Variants in RBFOX1 observed in about 807,000 individuals in gnomAD.
RBFOX1 encodes RNA binding fox-1 homolog 1, also known as RNA binding protein fox-1 homolog 1.
RBFOX1 carries 8 observed loss-of-function variants against 57.7 expected under a neutral mutation model. The ratio of observed to expected loss-of-function variants is 0.14; its 90% CI spans 0.08 to 0.25. RBFOX1 has a LOEUF of 0.25. RBFOX1 is among the 10% of genes least tolerant of loss of function. RBFOX1 has a pLI of 1.00. For synonymous variants in RBFOX1, 326 were observed against 222.4 expected, an observed-to-expected ratio of 1.47 and a Z score of -4.15; for missense variants, 611 against 548.5, an observed-to-expected ratio of 1.11 and a Z score of -1.14.
At chr16:6,923,524 C>G (rs547318583) in intron 3 of RBFOX1, among the ~76,000 whole-genome samples, 3 of 152,180 alleles carry the variant, frequency 2.0e-5, no homozygotes, top group East Asian at 1.9e-4. Context: ...TGGAGAAAGA[C>G]TCCATCTCAA....
intron 3 of RBFOX1, among the ~76,000 whole-genome samples, chr16:6,746,510 C>G (rs1431412213): frequency 6.6e-6 from 1 of 151,906 alleles, no homozygotes; most frequent in Non-Finnish European, 1.5e-5. Context: ...AGCCTCATCT[C>G]AACAAAAAAT....
chr16:6,534,732 G>C (rs2096712012), intron 2 of RBFOX1, among the ~76,000 whole-genome samples: 1 of 152,120 alleles, frequency 6.6e-6, no homozygotes, highest in South Asian at 2.1e-4. Context: ...ATGCAAAGAG[G>C]GAGAAGGGAA....
intron 4 of RBFOX1, among the ~76,000 whole-genome samples, chr16:5,967,895 A>G (rs958149887): frequency 2.0e-5 from 3 of 152,098 alleles, no homozygotes; most frequent in African/African-American, 4.8e-5. Context: ...TTTGCTTTGC[A>G]TGTGGTATCC....
chr16:6,856,589 A>G (rs186477341), intron 3 of RBFOX1, among the ~76,000 whole-genome samples: 2 of 152,320 alleles, frequency 1.3e-5, no homozygotes, highest in African/African-American at 2.4e-5. Context: ...CTGTCCCTTC[A>G]GGCCACCGTG....
At chr16:7,356,613 A>T (rs1041308278) in intron 4 of RBFOX1, among the ~76,000 whole-genome samples, 4 of 152,214 alleles carry the variant, frequency 2.6e-5, no homozygotes, top group African/African-American at 9.6e-5. Flanking sequence ...AAGCCACTGG[A>T]AAGTTTTAAG....
intron 4 of RBFOX1, among the ~76,000 whole-genome samples, chr16:5,939,669 C>T (rs749680395): frequency 3.2e-4 from 49 of 152,126 alleles, no homozygotes; most frequent in Non-Finnish European, 4.6e-4. Context: ...AAAGTCCAGC[C>T]TTGACTCAAG....
rs895159359 is a variant in RBFOX1 at position 5,948,238 on chromosome 16, G to A, written c.351+80903G>A. On this transcript the variant is annotated intron_variant, in intron 4 of 19. Transcript: ENST00000641259. Reference sequence around the variant, plus strand: ...TTGCGCTGACCGAGCTGGGCAGGTGGGTGTTAGTTCTATGGAAGGCTTTGC... The same window carrying A: ...TTGCGCTGACCGAGCTGGGCAGGTGAGTGTTAGTTCTATGGAAGGCTTTGC... Among the ~76,000 whole-genome samples, 7 of 152,110 alleles carry A rather than the reference G, an allele frequency of 4.6e-5. No individual in the cohort carries two copies. The East Asian group carries it at 7.7e-4, about 17-fold the overall frequency.
chr16:5,317,242 C>T (rs933844586), intron 1 of RBFOX1, among the ~76,000 whole-genome samples: 1 of 152,064 alleles, frequency 6.6e-6, no homozygotes, highest in Non-Finnish European at 1.5e-5. Flanking sequence ...TGTGTATTTT[C>T]TATTGGTTCT....
chr16:5,371,919 C>G (rs760735939), intron 1 of RBFOX1, among the ~76,000 whole-genome samples: 14 of 152,196 alleles, frequency 9.2e-5, no homozygotes, highest in Non-Finnish European at 1.8e-4. Context: ...AGTAATCTTT[C>G]CTTCCTACCT....
intron 4 of RBFOX1, among the ~76,000 whole-genome samples, chr16:7,500,012 C>T (rs1318841308): frequency 2.0e-5 from 3 of 152,128 alleles, no homozygotes; most frequent in Admixed American, 6.5e-5. Flanking sequence ...TGACATCATG[C>T]AAAACCTCTT....
chr16:5,919,846 T>C (rs2058782630), intron 4 of RBFOX1, among the ~76,000 whole-genome samples: 1 of 152,230 alleles, frequency 6.6e-6, no homozygotes, highest in African/African-American at 2.4e-5. Context: ...GTATTTCCTA[T>C]ACATGGAGTC....
At chr16:6,540,448 C>G (rs151163916) in intron 2 of RBFOX1, among the ~76,000 whole-genome samples, 1,990 of 151,820 alleles carry the variant, frequency 0.013, 25 homozygotes, top group Non-Finnish European at 0.02. Context: ...CCCATCTCTA[C>G]TAAAAATACA....
chr16:5,691,390 C>G (rs2050676485), intron 3 of RBFOX1, among the ~76,000 whole-genome samples: 1 of 152,074 alleles, frequency 6.6e-6, no homozygotes, highest in East Asian at 1.9e-4. Flanking sequence ...AGCTGGTCGA[C>G]CATTTGTCCA....
chr16:6,970,033 A>T (rs1028734994), intron 3 of RBFOX1, among the ~76,000 whole-genome samples: 5 of 151,580 alleles, frequency 3.3e-5, no homozygotes, highest in Admixed American at 2.0e-4. Flanking sequence ...AAAAAATTAG[A>T]TGGGCATGGT....
intron 3 of RBFOX1, among the ~76,000 whole-genome samples, chr16:6,781,636 C>G (rs1278286210): frequency 1.3e-5 from 2 of 152,034 alleles, no homozygotes; most frequent in East Asian, 1.9e-4. Context: ...ACTATTATTT[C>G]ATGTTTCAAT....
intron 2 of RBFOX1, among the ~76,000 whole-genome samples, chr16:6,504,639 A>T (rs1461465344): frequency 6.6e-6 from 1 of 152,194 alleles, no homozygotes; most frequent in Non-Finnish European, 1.5e-5. Context: ...GAGGGGTAGT[A>T]GGTATGACCT....
chr16:7,007,675 A>T (rs2093379924), intron 3 of RBFOX1, among the ~76,000 whole-genome samples: 1 of 152,158 alleles, frequency 6.6e-6, no homozygotes, highest in African/African-American at 2.4e-5. Flanking sequence ...CTTCTCTTTA[A>T]CATGATTTTG....
intron 1 of RBFOX1, among the ~76,000 whole-genome samples, chr16:5,431,830 C>T (rs1446691001): frequency 1.3e-5 from 2 of 152,168 alleles, no homozygotes; most frequent in African/African-American, 2.4e-5. Flanking sequence ...TGCTGTTTGT[C>T]CCCCTAACAT....
intron 4 of RBFOX1, among the ~76,000 whole-genome samples, chr16:7,421,329 G>C (rs2098540766): frequency 6.6e-6 from 1 of 152,092 alleles, no homozygotes; most frequent in African/African-American, 2.4e-5. Flanking sequence ...GTATCTTCTG[G>C]TTGATTCTTA....
Sources: allele counts gnomAD v4.1 joint callset (sites outside exome capture counted in the v4.1 genomes callset), GRCh38; gene constraint gnomAD v4.1.1; transcripts MANE v1.5; gene names NCBI Gene and HGNC (gene_info 2026-07-23, HGNC 2026-07-21).